Variants in EXOC6B observed in about 807,000 individuals in gnomAD.
The protein encoded by EXOC6B is SEC15 homolog B.
A neutral mutation model predicts 113.5 loss-of-function variants in EXOC6B; 54 were observed. The ratio of observed to expected loss-of-function variants is 0.48; its 90% CI spans 0.38 to 0.60. EXOC6B has a LOEUF of 0.60. EXOC6B is among the 20% of genes least tolerant of loss of function. The pLI, the probability that EXOC6B is intolerant of heterozygous loss-of-function variation, is 0.00. For missense variants in EXOC6B, 797 were observed against 977.5 expected (o/e 0.82, Z 2.46); for synonymous variants, 357 against 339.0 (o/e 1.05, Z -0.58).
rs1012286291 is a variant in EXOC6B at position 72,825,241 on chromosome 2, G to C, written c.113+557C>G. ...GTGGGCGAGGGTCGTCCTCGTAACA[G>C]GGAGGCAGGGATAAAGGAGCAGCGG... On this transcript the variant is annotated intron_variant, in intron 1 of 21. Coordinates refer to ENST00000272427, the MANE Select transcript of EXOC6B (RefSeq NM_015189.3). The surrounding 1 kb of genome is among the most constrained non-coding windows in gnomAD (Gnocchi z 4.4). Among the ~76,000 whole-genome samples, 2 of 152,180 alleles carry C rather than the reference G, an allele frequency of 1.3e-5. No individual in the cohort carries two copies. The highest frequency in any genetic ancestry group is 2.9e-5 in the Non-Finnish European group (2 of 68,032).
At chr2:72,817,567 G>T (rs1475246739) in intron 1 of EXOC6B, among the ~76,000 whole-genome samples, 3 of 152,120 alleles carry the variant, frequency 2.0e-5, no homozygotes, top group Non-Finnish European at 4.4e-5. Context: ...GCAAACAAAA[G>T]AAACAAAATC....
chr2:72,625,433 C>T (rs1671995974), intron 6 of EXOC6B, among the ~76,000 whole-genome samples: 1 of 152,156 alleles, frequency 6.6e-6, no homozygotes, highest in Admixed American at 6.6e-5. Flanking sequence ...GCTACTTTCA[C>T]TGCTTACTGT....
intron 18 of EXOC6B, among the ~76,000 whole-genome samples, chr2:72,403,333 G>T (rs1558633364): frequency 6.6e-6 from 1 of 152,144 alleles, no homozygotes; most frequent in Non-Finnish European, 1.5e-5. Flanking sequence ...AAAGGCAAGT[G>T]TCTTCACTGA....
intron 8 of EXOC6B, among the ~76,000 whole-genome samples, chr2:72,549,246 A>G (rs1703076878): frequency 6.6e-6 from 1 of 152,180 alleles, no homozygotes; most frequent in Non-Finnish European, 1.5e-5. Context: ...AACCAATCAC[A>G]GAATTGTAAG....
intron 19 of EXOC6B, among the ~76,000 whole-genome samples, chr2:72,338,062 T>G (rs1008977164): frequency 6.6e-6 from 1 of 152,180 alleles, no homozygotes; most frequent in Non-Finnish European, 1.5e-5. Flanking sequence ...TACATGCACA[T>G]TGATTAAGGG....
intron 19 of EXOC6B, among the ~76,000 whole-genome samples, chr2:72,364,262 G>A (rs554492745): frequency 3.3e-5 from 5 of 152,012 alleles, no homozygotes; most frequent in African/African-American, 9.6e-5. Flanking sequence ...ATAGAATAGA[G>A]TTCTTTCTTT....
At chr2:72,673,731 T>A (rs1051128424) in intron 6 of EXOC6B, among the ~76,000 whole-genome samples, 1 of 149,920 alleles carries the variant, frequency 6.7e-6, no homozygotes, top group African/African-American at 2.4e-5. Context: ...TATTATTATT[T>A]TTATTTTATT....
chr2:72,633,277 T>C (rs1224406915), intron 6 of EXOC6B, among the ~76,000 whole-genome samples: 3 of 152,186 alleles, frequency 2.0e-5, no homozygotes, highest in African/African-American at 7.2e-5. Flanking sequence ...AACGGGGGAA[T>C]AAATTAGGCA....
chr2:72,801,775 T>G (rs1685287520), intron 1 of EXOC6B, among the ~76,000 whole-genome samples: 1 of 152,068 alleles, frequency 6.6e-6, no homozygotes, highest in African/African-American at 2.4e-5. Flanking sequence ...CCAAGAAGAG[T>G]CATTGACTGT....
At chr2:72,329,055 T>C (rs1167164637) in intron 20 of EXOC6B, among the ~76,000 whole-genome samples, 1 of 152,132 alleles carries the variant, frequency 6.6e-6, no homozygotes, top group East Asian at 1.9e-4. Context: ...GTATCTCTAC[T>C]GACAACATTA....
intron 1 of EXOC6B, among the ~76,000 whole-genome samples, chr2:72,792,301 G>A (rs529214171): frequency 6.6e-6 from 1 of 152,154 alleles, no homozygotes; most frequent in Non-Finnish European, 1.5e-5. Flanking sequence ...GCTGTGAAAT[G>A]GTAATAATGA....
intron 6 of EXOC6B, among the ~76,000 whole-genome samples, chr2:72,660,440 A>G (rs1674924578): frequency 6.6e-6 from 1 of 152,344 alleles, no homozygotes; most frequent in Middle Eastern, 3.4e-3. Context: ...AATTTTGCTC[A>G]GAAGCAGAAT....
At chr2:72,715,032 C>T (rs990357862) in intron 6 of EXOC6B, among the ~76,000 whole-genome samples, 3 of 151,878 alleles carry the variant, frequency 2.0e-5, no homozygotes, top group Admixed American at 6.6e-5. Context: ...TTTGGGAGGC[C>T]GAGGCGGGTG....
chr2:72,701,959 T>C (rs1398346704), intron 6 of EXOC6B, among the ~76,000 whole-genome samples: 1 of 151,838 alleles, frequency 6.6e-6, no homozygotes, highest in Non-Finnish European at 1.5e-5. Context: ...TTAGGGTACA[T>C]GTGCACATTG....
At chr2:72,682,079 G>A (rs1404056353) in intron 6 of EXOC6B, among the ~76,000 whole-genome samples, 1 of 151,130 alleles carries the variant, frequency 6.6e-6, no homozygotes, top group Non-Finnish European at 1.5e-5. Context: ...TACAATGGCT[G>A]GTTAATTCCT....
At chr2:72,378,229 T>A (rs6731631) in intron 19 of EXOC6B, among the ~76,000 whole-genome samples, 30,304 of 152,108 alleles carry the variant, frequency 0.2, 5,556 homozygotes, top group African/African-American at 0.49. Flanking sequence ...AGACTCAAGG[T>A]CTCTCCAGTG....
intron 7 of EXOC6B, 55 bp downstream of exon 7, chr2:72,575,437 C>G (rs1363166324): frequency 6.6e-7 from 1 of 1,506,620 alleles, no homozygotes; most frequent in Non-Finnish European, 9.0e-7. Flanking sequence ...CACATCTCAA[C>G]CATACTATTT....
chr2:72,498,983 TAAAG>T (rs1408449136), intron 12 of EXOC6B, among the ~76,000 whole-genome samples: 1 of 152,092 alleles, frequency 6.6e-6, no homozygotes, highest in Non-Finnish European at 1.5e-5. Flanking sequence ...AGATGGTAGT[TAAAG>T]AAACTGCAAA....
intron 6 of EXOC6B, among the ~76,000 whole-genome samples, chr2:72,706,597 T>A (rs1678896486): frequency 6.6e-6 from 1 of 152,080 alleles, no homozygotes; most frequent in Non-Finnish European, 1.5e-5. Flanking sequence ...CTAACCTGCT[T>A]TATTTCTTTT....
Sources: gnomAD v4.1 joint callset for allele counts (sites outside exome capture counted in the v4.1 genomes callset) on GRCh38, gnomAD v4.1.1 for gene constraint, Gnocchi (gnomAD v3.1) non-coding constraint, MANE v1.5 for transcripts, NCBI Gene and HGNC (gene_info 2026-07-23, HGNC 2026-07-21) for gene names.